Variants in HCRTR2 observed in about 807,000 individuals in gnomAD.
The protein encoded by HCRTR2 is orexin receptor type 2.
HCRTR2 carries 22 observed loss-of-function variants against 49.0 expected under a neutral mutation model. The observed-to-expected ratio is 0.45, with a 90% CI of 0.32 to 0.64. The LOEUF (loss-of-function observed/expected upper bound fraction) is 0.64. Ranked by LOEUF, HCRTR2 falls within the 30% of genes least tolerant of loss-of-function variation. HCRTR2 has a pLI of 0.04. For synonymous variants in HCRTR2, 236 were observed against 205.3 expected (o/e 1.15, Z -1.28); for missense variants, 491 against 559.4 (o/e 0.88, Z 1.23).
intron 1 of HCRTR2, among the ~76,000 whole-genome samples, chr6:55,151,107 G>A (rs897828935): frequency 6.6e-6 from 1 of 151,958 alleles, no homozygotes; most frequent in African/African-American, 2.4e-5. Flanking sequence ...GCAGACCACT[G>A]GGTCTTGCCT....
rs1287264563 is a variant in HCRTR2, at chr6:55,115,520, T to TACTAGC, written c.-378+8976_-378+8977insCTAGCA. Among the ~76,000 whole-genome samples the TACTAGC allele has an allele frequency of 1.8e-3, 275 of 151,120 alleles. 1 individual carries two copies. The highest frequency in any genetic ancestry group is 6.4e-3 in the African/African-American group (263 of 41,248). ...TGTGTGTGTGTGTGTGTGGTAGTAGTAGTAGTAGTACTAGCAGTAGTAGCA... is the reference window on the plus strand; with the variant it reads ...TGTGTGTGTGTGTGTGTGGTAGTAGTACTAGCAGTAGTAGTACTAGCAGTAGTAGCA... On this transcript the variant is annotated intron_variant, in intron 1 of 7. Coordinates refer to the HCRTR2 transcript ENST00000615358.
chr6:55,127,727 A>G (rs763713087), intron 1 of HCRTR2, among the ~76,000 whole-genome samples: 34 of 152,144 alleles, frequency 2.2e-4, no homozygotes, highest in Non-Finnish European at 4.7e-4. Flanking sequence ...AGCCTCTTGC[A>G]TTATAGATCT....
chr6:55,145,256 T>C (rs1764563170), intron 1 of HCRTR2, among the ~76,000 whole-genome samples: 1 of 152,146 alleles, frequency 6.6e-6, no homozygotes, highest in Admixed American at 6.6e-5. Flanking sequence ...TAAAACAAGG[T>C]ATCCCTTTAC....
Position 55,280,390 on chromosome 6 carries a change from T to A in HCRTR2, c.1051T>A (p.Trp351Arg), listed in dbSNP as rs1767165625. The change falls in exon 6 of 7, where the codon TGG (tryptophan) becomes AGG (arginine). Residue 351 changes from tryptophan (W) to arginine (R), a missense_variant. By Grantham distance (101) the Trp-to-Arg change is moderately radical. Transcript: ENST00000370862. ...GTATGCCTGGTTTACCTTTTCACAC[T>A]GGCTTGTATATGCCAATAGTGCTGC... ...TVYAWFTFSH[W>R]LVYANSAANP... 6.2e-7 allele frequency: 1 copy of A among 1,613,154 alleles called. No individual in the cohort carries two copies. Among genetic ancestry groups the A allele is most frequent in the Non-Finnish European group, 8.5e-7 (1 of 1,179,154 alleles).
chr6:55,251,768 C>T (rs1766555013), intron 2 of HCRTR2, among the ~76,000 whole-genome samples: 1 of 152,058 alleles, frequency 6.6e-6, no homozygotes, highest in Admixed American at 6.6e-5. Flanking sequence ...GTGGACTTCT[C>T]TACTAAAGGA....
chr6:55,259,842 T>C (rs2127320030), intron 3 of HCRTR2, among the ~76,000 whole-genome samples: 1 of 152,244 alleles, frequency 6.6e-6, no homozygotes, highest in Non-Finnish European at 1.5e-5. Context: ...AGACATTGCT[T>C]ATGAAGTACA....
In HCRTR2 at chr6:55,280,309, T is replaced by C. The variant is rs922534637; in HGVS notation, c.984-14T>C. On this transcript the variant is annotated splice_polypyrimidine_tract_variant and intron_variant, in intron 5 of 6. Transcript: ENST00000370862. ...TATTTAAAAGACACTTTTCTGTTGT[T>C]TCTTTTCCTGCAGAGTATTTGGGAT... is the stretch of plus-strand genomic sequence containing the variant. The C allele has an allele frequency of 9.2e-6, 14 of 1,529,776 alleles. No homozygotes were observed. Among genetic ancestry groups the C allele is most frequent in the Non-Finnish European group, 1.1e-5 (12 of 1,104,272 alleles). The allele number at this position is 1,529,776 out of a possible 1,614,324, so 94.8% of individuals were successfully genotyped here. A position where few individuals can be genotyped will look rare whatever the true frequency, so the allele number is the denominator to read the frequency against.
upstream of HCRTR2, among the ~76,000 whole-genome samples, chr6:55,172,398 A>C (rs1764964092): frequency 6.6e-6 from 1 of 152,016 alleles, no homozygotes; most frequent in Non-Finnish European, 1.5e-5. Flanking sequence ...TTTTAATCTA[A>C]CTTTACTAGA....
intron 1 of HCRTR2, among the ~76,000 whole-genome samples, chr6:55,179,129 T>C (rs1272942833): frequency 6.6e-6 from 1 of 152,182 alleles, no homozygotes; most frequent in East Asian, 1.9e-4. Context: ...GTGTCAGATA[T>C]GTAAGTGGTA....
intron 1 of HCRTR2, among the ~76,000 whole-genome samples, chr6:55,221,835 C>G (rs1765904552): frequency 6.6e-6 from 1 of 150,416 alleles, no homozygotes; most frequent in Non-Finnish European, 1.5e-5. Flanking sequence ...AATACAAGAT[C>G]TGAAACTATG....
At chr6:55,115,698 T>G (rs759438153) in intron 1 of HCRTR2, among the ~76,000 whole-genome samples, 6 of 151,722 alleles carry the variant, frequency 4.0e-5, no homozygotes, top group Non-Finnish European at 5.9e-5. Context: ...GCAATTGACA[T>G]GTCCACCTCA....
In HCRTR2 at chr6:55,159,949, C is replaced by A. The variant is rs543123606; in HGVS notation, c.-377-14262C>A. Among the ~76,000 whole-genome samples, 24 of 152,272 alleles carry A rather than the reference C, an allele frequency of 1.6e-4. No homozygotes were observed. In the South Asian group the frequency reaches 1.7e-3, roughly 11 times the overall value. Reference sequence around the variant, plus strand: ...ATCCAGGAGAACATCCACAACCTAGCAAGACAGGCCAACATTTAAATTCAG... The same window carrying A: ...ATCCAGGAGAACATCCACAACCTAGAAAGACAGGCCAACATTTAAATTCAG... On this transcript the variant is annotated intron_variant, in intron 1 of 7. Coordinates refer to the HCRTR2 transcript ENST00000615358.
intron 4 of HCRTR2, among the ~76,000 whole-genome samples, chr6:55,267,774 G>A (rs1480371290): frequency 6.6e-6 from 1 of 151,788 alleles, no homozygotes; most frequent in Non-Finnish European, 1.5e-5. Context: ...CTCTTCTAAG[G>A]GAACTTAAGA....
At chr6:55,259,341 ATATT>A (rs1562025011) in intron 3 of HCRTR2, among the ~76,000 whole-genome samples, 1 of 152,174 alleles carries the variant, frequency 6.6e-6, no homozygotes, top group South Asian at 2.1e-4. Context: ...TTTATTAAAC[ATATT>A]TATTAGGGAG....
chr6:55,115,128 A>T (rs1231717189), intron 1 of HCRTR2, among the ~76,000 whole-genome samples: 1 of 151,784 alleles, frequency 6.6e-6, no homozygotes, highest in Non-Finnish European at 1.5e-5. Flanking sequence ...TCCTGAGTTT[A>T]TTACCTTATC....
intron 4 of HCRTR2, among the ~76,000 whole-genome samples, chr6:55,275,413 CT>C: frequency 6.6e-6 from 1 of 152,148 alleles, no homozygotes; most frequent in East Asian, 1.9e-4. Context: ...AGTTATTCCT[CT>C]TAATTTTATA....
intron 1 of HCRTR2, among the ~76,000 whole-genome samples, chr6:55,239,603 A>G (rs576402311): frequency 1.1e-3 from 165 of 152,306 alleles, no homozygotes; most frequent in Middle Eastern, 6.8e-3. Flanking sequence ...TCAACACTAC[A>G]GAGGCACCAT....
At chr6:55,266,008 A>G (rs1019501918) in intron 4 of HCRTR2, among the ~76,000 whole-genome samples, 1 of 152,126 alleles carries the variant, frequency 6.6e-6, no homozygotes, top group African/African-American at 2.4e-5. Context: ...CCAGGGCTTC[A>G]GGCTGCTAAA....
At chr6:55,181,426 C>T (rs1013376208) in intron 1 of HCRTR2, among the ~76,000 whole-genome samples, 1 of 151,958 alleles carries the variant, frequency 6.6e-6, no homozygotes, top group African/African-American at 2.4e-5. Flanking sequence ...AAACAAAAAA[C>T]AAATTGCTCA....
Sources: gnomAD v4.1 joint callset for allele counts (sites outside exome capture counted in the v4.1 genomes callset) on GRCh38, gnomAD v4.1.1 for gene constraint, MANE v1.5 for transcripts, NCBI Gene and HGNC (gene_info 2026-07-23, HGNC 2026-07-21) for gene names.